CRACD: variants seen among roughly 807,000 people sequenced by gnomAD.
CRACD encodes the protein capping protein-inhibiting regulator of actin dynamics.
Under a neutral mutation model 106.8 loss-of-function variants are expected in CRACD, and 56 were observed. That is an observed-to-expected ratio of 0.52 (90% CI 0.42 to 0.66). The LOEUF (loss-of-function observed/expected upper bound fraction) is 0.66, where lower values mean the gene tolerates loss of function less well. Ranked by LOEUF, CRACD falls within the 30% of genes least tolerant of loss-of-function variation. The pLI is 0.00. For missense variants in CRACD, 1,730 were observed against 1,623.2 expected (o/e 1.07, Z -1.13); for synonymous variants, 754 against 670.8 (o/e 1.12, Z -1.92).
At chr4:56,120,404 A>T (rs1734443844) in intron 1 of CRACD, among the ~76,000 whole-genome samples, 2 of 152,204 alleles carry the variant, frequency 1.3e-5, no homozygotes, top group Admixed American at 1.3e-4. Context: ...TAAAGGAATG[A>T]TTCCCTTAGT....
chr4:56,144,673 T>C (rs1178833412), intron 1 of CRACD, among the ~76,000 whole-genome samples: 1 of 151,470 alleles, frequency 6.6e-6, no homozygotes, highest in East Asian at 1.9e-4. Context: ...TTTTTTTTTT[T>C]GAAATGGAGT....
At chr4:56,316,751 A>AACGGCGACCACC in intron 8 of CRACD, 62 bp downstream of exon 8, 1 of 1,423,294 alleles carries the variant, frequency 7.0e-7, no homozygotes, top group South Asian at 1.5e-5. Flanking sequence ...GGCATCAAGA[A>AACGGCGACCACC]GAGATCCACA....
intron 2 of CRACD, among the ~76,000 whole-genome samples, chr4:56,253,159 T>C (rs1024711466): frequency 4.6e-5 from 7 of 152,182 alleles, no homozygotes; most frequent in Admixed American, 1.3e-4. Context: ...TGGCTCTCTT[T>C]TAGCAACTTA....
At chr4:56,224,324 A>G (rs936349488) in intron 2 of CRACD, among the ~76,000 whole-genome samples, 4 of 152,164 alleles carry the variant, frequency 2.6e-5, no homozygotes, top group Admixed American at 6.5e-5. Context: ...TTAAGTTTAC[A>G]TCTAGGTCTT....
At chr4:56,266,775 A>G (rs143742570) in intron 2 of CRACD, among the ~76,000 whole-genome samples, 2,064 of 152,364 alleles carry the variant, frequency 0.014, 31 homozygotes, top group Non-Finnish European at 0.017. Flanking sequence ...CTGCCCCAGC[A>G]TCATAAACTG....
At chr4:56,281,894 C>T (rs1421674938) in intron 3 of CRACD, among the ~76,000 whole-genome samples, 4 of 152,158 alleles carry the variant, frequency 2.6e-5, no homozygotes, top group Non-Finnish European at 5.9e-5. Context: ...TTTGAGATTC[C>T]AAACTTTCCT....
At chr4:56,103,081 C>G (rs1212789346) in intron 1 of CRACD, among the ~76,000 whole-genome samples, 1 of 152,180 alleles carries the variant, frequency 6.6e-6, no homozygotes. Flanking sequence ...TCCTATCCCT[C>G]GCTTTTAGTA....
chr4:56,198,791 C>T (rs574932707), intron 2 of CRACD, among the ~76,000 whole-genome samples: 1 of 152,028 alleles, frequency 6.6e-6, no homozygotes, highest in African/African-American at 2.4e-5. Flanking sequence ...GGAAAATAAA[C>T]GGTGTAGAAA....
At chr4:56,248,118 G>T (rs1484366054) in intron 2 of CRACD, among the ~76,000 whole-genome samples, 2 of 152,174 alleles carry the variant, frequency 1.3e-5, no homozygotes, top group Non-Finnish European at 2.9e-5. Flanking sequence ...TCCAATACAG[G>T]CTCTTCTTAC....
intron 4 of CRACD, among the ~76,000 whole-genome samples, chr4:56,303,429 A>G (rs1744486385): frequency 6.7e-6 from 1 of 149,778 alleles, no homozygotes; most frequent in Non-Finnish European, 1.5e-5. Flanking sequence ...TATCTCTCTG[A>G]AAACTTAAAG....
intron 1 of CRACD, among the ~76,000 whole-genome samples, chr4:56,079,033 C>T (rs1577949214): frequency 6.6e-6 from 1 of 152,250 alleles, no homozygotes; most frequent in East Asian, 1.9e-4. Flanking sequence ...GAGAACGGAG[C>T]AAGAAGTGCT....
At chr4:56,280,287 G>A (rs1742960653) in intron 3 of CRACD, among the ~76,000 whole-genome samples, 1 of 151,174 alleles carries the variant, frequency 6.6e-6, no homozygotes, top group Non-Finnish European at 1.5e-5. Context: ...AAAACTTAAA[G>A]TATAATAAAA....
chr4:56,195,999 A>G (rs187954076), intron 2 of CRACD, among the ~76,000 whole-genome samples: 194 of 152,328 alleles, frequency 1.3e-3, no homozygotes, highest in Admixed American at 4.2e-3. Flanking sequence ...TAATACTAAA[A>G]AGGAAAGCGT....
At chr4:56,147,212 C>T (rs893022948) in intron 1 of CRACD, among the ~76,000 whole-genome samples, 12 of 152,016 alleles carry the variant, frequency 7.9e-5, no homozygotes, top group African/African-American at 2.2e-4. Flanking sequence ...ATTAGATAAG[C>T]GAGCACTGTT....
At chr4:56,091,031 GT>G (rs1317083624) in intron 1 of CRACD, among the ~76,000 whole-genome samples, 1 of 151,970 alleles carries the variant, frequency 6.6e-6, no homozygotes, top group African/African-American at 2.4e-5. Context: ...CACAATAGTA[GT>G]TTTTTCTTTT....
intron 1 of CRACD, among the ~76,000 whole-genome samples, chr4:56,113,633 T>A (rs1045396315): frequency 1.3e-5 from 2 of 152,226 alleles, no homozygotes; most frequent in African/African-American, 4.8e-5. Flanking sequence ...CTATGTCATC[T>A]TGGTGGCCTG....
chr4:56,321,290 C>G (rs371252822), intron 8 of CRACD: 60 of 183,278 alleles, frequency 3.3e-4, no homozygotes, highest in East Asian at 2.3e-3. Context: ...GCCAAGGCCA[C>G]TGCGTCCACA....
chr4:56,182,554 C>T (rs1168872643), intron 2 of CRACD, among the ~76,000 whole-genome samples: 1 of 152,078 alleles, frequency 6.6e-6, no homozygotes, highest in African/African-American at 2.4e-5. Flanking sequence ...TTATGTGCTA[C>T]TAGGGCCGTG....
At chr4:56,139,754 T>G (rs898166878) in intron 1 of CRACD, among the ~76,000 whole-genome samples, 6 of 152,206 alleles carry the variant, frequency 3.9e-5, no homozygotes, top group African/African-American at 1.4e-4. Flanking sequence ...TTGAAAATTC[T>G]TACTTAAGAG....
Sources: gnomAD v4.1 joint callset for allele counts (sites outside exome capture counted in the v4.1 genomes callset) on GRCh38, gnomAD v4.1.1 for gene constraint, MANE v1.5 for transcripts, NCBI Gene and HGNC (gene_info 2026-07-23, HGNC 2026-07-21) for gene names.